TANC1: variants seen among roughly 807,000 people sequenced by gnomAD.
TANC1 encodes tetratricopeptide repeat, ankyrin repeat and coiled-coil containing 1, also known as protein TANC1.
In TANC1, 77 loss-of-function variants were observed where a neutral mutation model predicts 149.7. The ratio of observed to expected loss-of-function variants is 0.51; its 90% CI spans 0.43 to 0.62. The LOEUF is 0.62. Ranked by LOEUF, TANC1 falls within the 20% of genes least tolerant of loss-of-function variation. The probability of loss-of-function intolerance (pLI) is 0.00; values close to 1 mark genes in which losing one functional copy is unlikely to be tolerated. For synonymous variants in TANC1, 854 were observed against 925.0 expected, an observed-to-expected ratio of 0.92 and a Z score of 1.39; for missense variants, 1,985 against 2,321.8, an observed-to-expected ratio of 0.85 and a Z score of 2.98.
chr2:159,161,820 CT>C (rs1349418766), intron 7 of TANC1, among the ~76,000 whole-genome samples: 1 of 152,212 alleles, frequency 6.6e-6, no homozygotes, highest in Non-Finnish European at 1.5e-5. Flanking sequence ...ATCCTGAACT[CT>C]GGTAAGTGAG....
At chr2:159,046,444 G>A (rs2041047146) in intron 2 of TANC1, among the ~76,000 whole-genome samples, 1 of 152,026 alleles carries the variant, frequency 6.6e-6, no homozygotes, top group African/African-American at 2.4e-5. Flanking sequence ...CCTTGTCGAC[G>A]TCCCAAATGG....
intron 4 of TANC1, among the ~76,000 whole-genome samples, chr2:159,130,922 C>T (rs2050008795): frequency 6.6e-6 from 1 of 152,144 alleles, no homozygotes; most frequent in Admixed American, 6.5e-5. Flanking sequence ...TGGTCCTTGG[C>T]TCCTTATTTG....
At chr2:159,097,078 T>C (rs1393049453) in intron 3 of TANC1, among the ~76,000 whole-genome samples, 2 of 152,144 alleles carry the variant, frequency 1.3e-5, no homozygotes, top group Non-Finnish European at 2.9e-5. Context: ...ATGACTGGTT[T>C]GGGGCTGTTT....
At chr2:158,992,424 T>G (rs1380130737) in intron 1 of TANC1, among the ~76,000 whole-genome samples, 1 of 152,110 alleles carries the variant, frequency 6.6e-6, no homozygotes, top group African/African-American at 2.4e-5. Context: ...TCTTCCTTCC[T>G]TCCCTTCTGT....
At chr2:158,980,950 A>T (rs935618641) in intron 1 of TANC1, among the ~76,000 whole-genome samples, 1 of 151,714 alleles carries the variant, frequency 6.6e-6, no homozygotes. Flanking sequence ...CCCATTCCTG[A>T]CTTTTCTGGG....
At chr2:159,117,666 G>A (rs2048410028) in intron 4 of TANC1, among the ~76,000 whole-genome samples, 1 of 148,622 alleles carries the variant, frequency 6.7e-6, no homozygotes, top group Non-Finnish European at 1.5e-5. Flanking sequence ...AAAGTGCTGG[G>A]ATTACAGGCG....
chr2:159,031,529 GACAAA>G (rs1330146450), intron 2 of TANC1, among the ~76,000 whole-genome samples: 1 of 152,156 alleles, frequency 6.6e-6, no homozygotes, highest in Non-Finnish European at 1.5e-5. Flanking sequence ...ATTCAATTTA[GACAAA>G]ACAAATTCCT....
chr2:159,231,179 G>T lies in TANC1; in HGVS notation c.*167G>T. On this transcript the variant is annotated 3_prime_UTR_variant, in exon 27 of 27. Transcript: ENST00000263635. ...AATGTGGGATAAAACTTCTTTAATA[G>T]CTAGAAATCACCATAAATAAGAATG... is the stretch of plus-strand genomic sequence containing the variant. 1.8e-6 allele frequency: 1 copy of T among 567,530 alleles called. No homozygotes were observed. 35.2% of individuals were successfully genotyped at this position (567,530 alleles called of 1,614,324 possible).
chr2:159,088,847 G>C (rs545195582), intron 3 of TANC1, among the ~76,000 whole-genome samples: 2 of 152,154 alleles, frequency 1.3e-5, no homozygotes, highest in African/African-American at 2.4e-5. Flanking sequence ...CTGGAGGCCA[G>C]GCCATCTTAT....
chr2:158,988,467 G>A (rs1369478132), intron 1 of TANC1, among the ~76,000 whole-genome samples: 2 of 152,098 alleles, frequency 1.3e-5, no homozygotes, highest in Non-Finnish European at 2.9e-5. Context: ...GCTTGCTGCT[G>A]ATTAGTTCAT....
At chr2:159,169,993 A>G (rs960515130) in intron 9 of TANC1, among the ~76,000 whole-genome samples, 46 of 147,564 alleles carry the variant, frequency 3.1e-4, no homozygotes, top group Non-Finnish European at 6.1e-4. Flanking sequence ...AACTATCTCA[A>G]AAAAAAAAAA....
At chr2:158,997,058 T>C (rs960163421) in intron 1 of TANC1, among the ~76,000 whole-genome samples, 1 of 151,754 alleles carries the variant, frequency 6.6e-6, no homozygotes, top group African/African-American at 2.4e-5. Context: ...CATGACATGG[T>C]CACTTAAGAG....
At chr2:159,059,888 T>TGTG (rs1553532950) in intron 2 of TANC1, among the ~76,000 whole-genome samples, 23 of 114,818 alleles carry the variant, frequency 2.0e-4, no homozygotes, top group East Asian at 7.5e-4. Context: ...GCAGACCTCT[T>TGTG]TGTGTGTGTG....
chr2:159,104,981 C>CTTTTTTTTTTTTTTTTTTTT (rs146778655), intron 4 of TANC1, among the ~76,000 whole-genome samples: 1 of 43,342 alleles, frequency 2.3e-5, no homozygotes, highest in African/African-American at 7.1e-5. Flanking sequence ...TGGATATTTG[C>CTTTTTTTTTTTTTTTTTTTT]TTTTTTTTTT....
intron 7 of TANC1, among the ~76,000 whole-genome samples, chr2:159,154,319 T>G (rs1014363001): frequency 2.0e-5 from 3 of 152,198 alleles, no homozygotes; most frequent in Admixed American, 6.5e-5. Context: ...TTGGTTATAT[T>G]TAATCTAAAT....
chr2:158,981,151 AT>A (rs1303893654), intron 1 of TANC1, among the ~76,000 whole-genome samples: 1 of 152,032 alleles, frequency 6.6e-6, no homozygotes, highest in African/African-American at 2.4e-5. Flanking sequence ...GAGAACAGAC[AT>A]TTAAGTTTAG....
intron 4 of TANC1, 147 bp from the exon 5 acceptor site, chr2:159,136,047 T>TGTGTGTGTGTGTGTGTGTGTGA: frequency 1.4e-5 from 3 of 210,232 alleles, no homozygotes; most frequent in African/African-American, 3.6e-5. Flanking sequence ...TGTGTGTGTG[T>TGTGTGTGTGTGTGTGTGTGTGA]GTGCGCGCGC....
intron 6 of TANC1, chr2:159,149,879 T>C: frequency 6.0e-6 from 1 of 167,962 alleles, no homozygotes; most frequent in South Asian, 1.6e-4. Flanking sequence ...ATGCATTGAT[T>C]GAGACTGAGT....
At chr2:158,982,879 C>G (rs1559097941) in intron 1 of TANC1, among the ~76,000 whole-genome samples, 1 of 152,208 alleles carries the variant, frequency 6.6e-6, no homozygotes, top group Admixed American at 6.5e-5. Context: ...CTGCCTTGAC[C>G]TCCCAAAGTG....
Sources: allele counts gnomAD v4.1 joint callset (sites outside exome capture counted in the v4.1 genomes callset), GRCh38; gene constraint gnomAD v4.1.1; transcripts MANE v1.5; gene names NCBI Gene and HGNC (gene_info 2026-07-23, HGNC 2026-07-21).